Variants in PTPRK observed in about 807,000 individuals in gnomAD.
PTPRK encodes the protein receptor-type tyrosine-protein phosphatase kappa.
Under a neutral mutation model 178.0 loss-of-function variants are expected in PTPRK, and 75 were observed. The ratio of observed to expected loss-of-function variants is 0.42; its 90% CI spans 0.35 to 0.51. The LOEUF (loss-of-function observed/expected upper bound fraction) is 0.51, where lower values mean the gene tolerates loss of function less well. PTPRK is among the 20% of genes least tolerant of loss of function. The pLI is 0.02. For synonymous variants in PTPRK, 637 were observed against 620.6 expected (o/e 1.03, Z -0.39); for missense variants, 1,441 against 1,797.8 (o/e 0.80, Z 3.59).
intron 6 of PTPRK, among the ~76,000 whole-genome samples, chr6:128,201,661 A>G (rs1290853744): frequency 6.6e-6 from 1 of 152,138 alleles, no homozygotes; most frequent in Non-Finnish European, 1.5e-5. Context: ...GATTTCAAGA[A>G]TAGCCTGGGA....
chr6:128,190,809 T>C (rs1428682552), intron 6 of PTPRK, among the ~76,000 whole-genome samples: 1 of 152,144 alleles, frequency 6.6e-6, no homozygotes, highest in Non-Finnish European at 1.5e-5. Flanking sequence ...TGGAGACCTT[T>C]TTCAAATCAT....
chr6:128,504,676 C>G (rs965010225), intron 1 of PTPRK, among the ~76,000 whole-genome samples: 3 of 152,164 alleles, frequency 2.0e-5, no homozygotes, highest in Non-Finnish European at 4.4e-5. Context: ...CTGGGTTCTT[C>G]TGGCAATATC....
chr6:128,128,490 A>C (rs143534649), intron 7 of PTPRK, among the ~76,000 whole-genome samples: 1 of 151,938 alleles, frequency 6.6e-6, no homozygotes, highest in African/African-American at 2.4e-5. Context: ...CTTGATTCCC[A>C]GAACACTTTG....
chr6:128,251,116 T>A lies in PTPRK; in HGVS notation c.496-8514A>T, dbSNP rs539773757. Among the ~76,000 whole-genome samples, 10 of 152,300 alleles carry A rather than the reference T, an allele frequency of 6.6e-5. No individual in the cohort carries two copies. In the East Asian group the frequency reaches 1.9e-3, roughly 29 times the overall value. ...TGAAACTGATGAATTCTTATTAACCTTTTCCTATTTGTTGTTTACTTGTTT... is the reference window on the plus strand; with the variant it reads ...TGAAACTGATGAATTCTTATTAACCATTTCCTATTTGTTGTTTACTTGTTT... On this transcript the variant is annotated intron_variant, in intron 3 of 29. Transcript: ENST00000368226.
chr6:128,199,050 T>A (rs1031001585), intron 6 of PTPRK, among the ~76,000 whole-genome samples: 3 of 152,040 alleles, frequency 2.0e-5, no homozygotes, highest in African/African-American at 7.2e-5. Context: ...ATTAAGAAAA[T>A]TTTTTGCCAG....
chr6:128,299,652 G>A lies in PTPRK; in HGVS notation c.495+22387C>T, dbSNP rs867371635. 3.9e-5 allele frequency among the ~76,000 whole-genome samples: 6 copies of A among 152,092 alleles called. No individual in the cohort carries two copies. In the Middle Eastern group the frequency reaches 0.01, roughly 259 times the overall value. On this transcript the variant is annotated intron_variant, in intron 3 of 29. Coordinates refer to ENST00000368226, the MANE Select transcript of PTPRK (RefSeq NM_002844.4). ...TTCCCTATTTAATAAATGGTGCTGG[G>A]AAAACTGGCTAGCCTTATGTAGAAA...
At chr6:128,133,079 C>G (rs115355380) in intron 7 of PTPRK, among the ~76,000 whole-genome samples, 17 of 152,294 alleles carry the variant, frequency 1.1e-4, no homozygotes, top group African/African-American at 3.4e-4. Context: ...CTGACAATTT[C>G]TGCTCAGGGT....
intron 6 of PTPRK, among the ~76,000 whole-genome samples, chr6:128,189,920 C>A (rs757068026): frequency 2.0e-5 from 3 of 152,068 alleles, no homozygotes; most frequent in Non-Finnish European, 4.4e-5. Context: ...TTATCAGCTA[C>A]CCCTACAATA....
At chr6:128,427,795 T>C (rs1211147656) in intron 1 of PTPRK, among the ~76,000 whole-genome samples, 1 of 151,962 alleles carries the variant, frequency 6.6e-6, no homozygotes, top group Admixed American at 6.6e-5. Context: ...CAAGACAATA[T>C]AAAACAAAAT....
Position 128,347,639 on chromosome 6 carries a change from C to G in PTPRK, c.224-25329G>C, listed in dbSNP as rs73772029. The stretch of plus-strand genomic sequence containing the variant: ...GGGAAGGGGACAGTAGATAAATACA[C>G]GGTAAAGCAATCTCATCTGTCAGAT... On this transcript the variant is annotated intron_variant, in intron 2 of 29. Coordinates refer to ENST00000368226, the MANE Select transcript of PTPRK (RefSeq NM_002844.4). 6.8e-3 allele frequency among the ~76,000 whole-genome samples: 1,032 copies of G among 152,124 alleles called. 10 individuals are homozygous for G. Among genetic ancestry groups the G allele is most frequent in the African/African-American group, 0.024 (997 of 41,528 alleles).
intron 7 of PTPRK, among the ~76,000 whole-genome samples, chr6:128,144,806 C>G (rs1289111341): frequency 6.6e-6 from 1 of 152,050 alleles, no homozygotes; most frequent in Admixed American, 6.6e-5. Context: ...AAAAATATAA[C>G]CAAAGATAAC....
At chr6:128,060,411 T>A (rs977463887) in intron 13 of PTPRK, among the ~76,000 whole-genome samples, 3 of 152,158 alleles carry the variant, frequency 2.0e-5, no homozygotes, top group African/African-American at 7.2e-5. Context: ...AGAATTTTAA[T>A]CTCTCATTAT....
chr6:128,210,519 A>T (rs1348271492), intron 6 of PTPRK, among the ~76,000 whole-genome samples: 1 of 152,180 alleles, frequency 6.6e-6, no homozygotes, highest in Non-Finnish European at 1.5e-5. Flanking sequence ...CATCTATTCA[A>T]GAAAAAATAC....
intron 14 of PTPRK, chr6:128,008,170 A>G (rs1778644464): frequency 2.7e-6 from 2 of 732,016 alleles, no homozygotes; most frequent in African/African-American, 3.8e-5. Context: ...AGTCTTATCT[A>G]TAATGTTAAT....
intron 21 of PTPRK, among the ~76,000 whole-genome samples, chr6:127,990,240 T>C (rs1478011684): frequency 6.6e-6 from 1 of 152,072 alleles, no homozygotes; most frequent in African/African-American, 2.4e-5. Flanking sequence ...TATCTGCACA[T>C]CTTGGCCTGG....
intron 1 of PTPRK, among the ~76,000 whole-genome samples, chr6:128,489,751 A>G (rs891307145): frequency 3.9e-5 from 6 of 152,202 alleles, no homozygotes; most frequent in Non-Finnish European, 5.9e-5. Flanking sequence ...TTGTTTTCCT[A>G]TACAACCAAC....
chr6:128,298,775 C>A (rs531997865), intron 3 of PTPRK, among the ~76,000 whole-genome samples: 42 of 152,172 alleles, frequency 2.8e-4, no homozygotes, highest in Non-Finnish European at 4.7e-4. Context: ...ACTGAATGGG[C>A]AAAAACTGGA....
chr6:128,347,496 AT>A (rs1039168902), intron 2 of PTPRK, among the ~76,000 whole-genome samples: 14 of 151,934 alleles, frequency 9.2e-5, no homozygotes, highest in African/African-American at 2.7e-4. Context: ...TGATATGTTG[AT>A]TTTTTTTCAT....
At chr6:128,190,780 T>G (rs1803659584) in intron 6 of PTPRK, among the ~76,000 whole-genome samples, 1 of 152,178 alleles carries the variant, frequency 6.6e-6, no homozygotes, top group African/African-American at 2.4e-5. Flanking sequence ...ATTACAGTTG[T>G]GAGCCACCAG....
Sources: gnomAD v4.1 joint callset for allele counts (sites outside exome capture counted in the v4.1 genomes callset) on GRCh38, gnomAD v4.1.1 for gene constraint, MANE v1.5 for transcripts, NCBI Gene and HGNC (gene_info 2026-07-23, HGNC 2026-07-21) for gene names.